Variants in CACNA1A observed in about 807,000 individuals in gnomAD.
The protein encoded by CACNA1A is voltage-dependent P/Q-type calcium channel subunit alpha-1A.
In CACNA1A, 57 loss-of-function variants were observed where a neutral mutation model predicts 262.4. The ratio of observed to expected loss-of-function variants is 0.22; its 90% CI spans 0.18 to 0.27. The LOEUF (loss-of-function observed/expected upper bound fraction) is 0.27, where lower values mean the gene tolerates loss of function less well. Among genes scored for constraint, CACNA1A ranks in the 10% least tolerant of loss-of-function variants. CACNA1A has a pLI of 1.00. For missense variants in CACNA1A, 2,526 were observed against 3,562.8 expected (o/e 0.71, Z 7.41); for synonymous variants, 1,431 against 1,419.3 (o/e 1.01, Z -0.18).
At chr19:13,494,348 T>C (rs1981248083) in intron 1 of CACNA1A, among the ~76,000 whole-genome samples, 1 of 152,196 alleles carries the variant, frequency 6.6e-6, no homozygotes, top group Admixed American at 6.5e-5. Context: ...GAGGTAACTT[T>C]TGGGCTGAGA....
Position 13,227,528 on chromosome 19 carries a change from C to A in CACNA1A, c.5529-1G>T. 1 of 1,541,522 alleles carries A rather than the reference C, an allele frequency of 6.5e-7. No homozygotes were observed. The highest frequency in any genetic ancestry group is 8.8e-7 in the Non-Finnish European group (1 of 1,138,674). On this transcript the variant is annotated splice_acceptor_variant, in intron 36 of 46. Coordinates refer to ENST00000360228, the MANE Select transcript of CACNA1A (RefSeq NM_001127222.2). LOFTEE classifies it high-confidence loss of function. ...CATGTCCAGGTAAGGCATGCGGCCCCTGGCAGCACCGAAAATGAAAAAAAC... is the reference window on the plus strand; with the variant it reads ...CATGTCCAGGTAAGGCATGCGGCCCATGGCAGCACCGAAAATGAAAAAAAC...
intron 1 of CACNA1A, among the ~76,000 whole-genome samples, chr19:13,471,166 A>G (rs564166215): frequency 2.3e-4 from 35 of 152,122 alleles, no homozygotes; most frequent in Non-Finnish European, 5.1e-4. Flanking sequence ...TCTCGAGTCC[A>G]CTGTAATCCA....
rs573256433 is a variant in CACNA1A at position 13,411,975 on chromosome 19, T to C, written c.540-40196A>G. On this transcript the variant is annotated intron_variant, in intron 3 of 46. Coordinates refer to ENST00000360228, the MANE Select transcript of CACNA1A (RefSeq NM_001127222.2). ...AAGCGGCCTTCCCCACTTGGCCTCC[T>C]AAAGTGCTGGGATTACAGGTGTGAC... 4.0e-5 allele frequency among the ~76,000 whole-genome samples: 6 copies of C among 149,594 alleles called. No homozygotes were observed. In the South Asian group the frequency reaches 1.1e-3, roughly 27 times the overall value.
At chr19:13,292,592 G>T (rs746765696) in intron 19 of CACNA1A, among the ~76,000 whole-genome samples, 6 of 151,756 alleles carry the variant, frequency 4.0e-5, no homozygotes, top group Non-Finnish European at 7.4e-5. Context: ...CCGGGGCCTG[G>T]ATGACAAAGC....
intron 18 of CACNA1A, 150 bp downstream of exon 18, chr19:13,300,400 A>G: frequency 1.6e-6 from 1 of 634,046 alleles, no homozygotes. Flanking sequence ...CCAAATATTT[A>G]TTGAGTGAAA....
intron 10 of CACNA1A, among the ~76,000 whole-genome samples, chr19:13,321,040 T>C (rs2058241520): frequency 1.1e-5 from 1 of 95,122 alleles, no homozygotes; most frequent in Non-Finnish European, 2.2e-5. Context: ...TTTTTTTTTT[T>C]CTTTTTTTTT....
At chr19:13,227,344 G>A (rs962787626) in intron 37 of CACNA1A, 87 bp downstream of exon 37, 29 of 582,544 alleles carry the variant, frequency 5.0e-5, no homozygotes, top group Non-Finnish European at 7.1e-5. Context: ...TCGGCCGGGT[G>A]TTTCTGGTCA....
At chr19:13,208,144 G>T in intron 46 of CACNA1A, 91 bp from the exon 47 acceptor site, 1 of 609,958 alleles carries the variant, frequency 1.6e-6, no homozygotes, top group Admixed American at 5.7e-5. Flanking sequence ...GGGGAGCGAA[G>T]GGAGAGGGGC....
At chr19:13,398,141 T>C (rs1295563158) in intron 3 of CACNA1A, among the ~76,000 whole-genome samples, 2 of 151,732 alleles carry the variant, frequency 1.3e-5, no homozygotes, top group Non-Finnish European at 2.9e-5. Flanking sequence ...CGGGCACCTG[T>C]AATTCCAGCT....
At chr19:13,286,992 G>C (rs757148939) in intron 19 of CACNA1A, 26 bp from the exon 20 acceptor site, 1 of 1,515,026 alleles carries the variant, frequency 6.6e-7, no homozygotes, top group South Asian at 1.2e-5. Context: ...GAATGAAAAA[G>C]AACCAACAAC....
chr19:13,265,063 C>T lies in CACNA1A; in HGVS notation c.3990-2230G>A, dbSNP rs1347028089. On this transcript the variant is annotated intron_variant, in intron 24 of 46. Transcript: ENST00000360228. ...CTAATTTTTGTATTTTCAGTAGAGACAGGGTTTCACCGTGTTGGCCAGGCT... is the reference window on the plus strand; with the variant it reads ...CTAATTTTTGTATTTTCAGTAGAGATAGGGTTTCACCGTGTTGGCCAGGCT... Among the ~76,000 whole-genome samples, 3 of 151,982 alleles carry T rather than the reference C, an allele frequency of 2.0e-5. No individual in the cohort carries two copies. The East Asian group carries it at 5.8e-4, about 29-fold the overall frequency.
intron 19 of CACNA1A, among the ~76,000 whole-genome samples, chr19:13,290,390 G>C (rs1262503436): frequency 7.8e-6 from 1 of 127,454 alleles, no homozygotes; most frequent in Non-Finnish European, 1.7e-5. Context: ...ATGTGTGTGT[G>C]TGTCTGTGTG....
intron 36 of CACNA1A, chr19:13,229,196 T>C (rs1272865454): frequency 1.3e-5 from 2 of 158,014 alleles, no homozygotes; most frequent in East Asian, 3.8e-4. Context: ...CTCGGTCTCA[T>C]GGAGTACTTG....
chr19:13,458,193 T>C lies in CACNA1A; in HGVS notation c.294-2981A>G, dbSNP rs572664121. Reference sequence around the variant, plus strand: ...TTTTTTTAAAGAAACACAATTTTGCTCTGTCACCCAGGCTGGAGTGCAGTG... The same window carrying C: ...TTTTTTTAAAGAAACACAATTTTGCCCTGTCACCCAGGCTGGAGTGCAGTG... On this transcript the variant is annotated intron_variant, in intron 1 of 46. Coordinates refer to ENST00000360228, the MANE Select transcript of CACNA1A (RefSeq NM_001127222.2). 6.4e-4 allele frequency among the ~76,000 whole-genome samples: 97 copies of C among 152,262 alleles called. No homozygotes were observed. In the Middle Eastern group the frequency reaches 0.01, roughly 16 times the overall value.
chr19:13,384,426 G>A (rs955463553), intron 3 of CACNA1A, among the ~76,000 whole-genome samples: 10 of 152,120 alleles, frequency 6.6e-5, no homozygotes, highest in South Asian at 2.1e-4. Flanking sequence ...GGCTGGGTGC[G>A]GTGGCTCATG....
intron 36 of CACNA1A, chr19:13,229,064 G>GT (rs2055575605): frequency 1.2e-5 from 1 of 84,674 alleles, no homozygotes; most frequent in African/African-American, 1.5e-4. Flanking sequence ...TACAGGGGTG[G>GT]GGGGGGGCTT....
intron 3 of CACNA1A, among the ~76,000 whole-genome samples, chr19:13,434,474 G>A (rs1337417141): frequency 6.6e-6 from 1 of 152,176 alleles, no homozygotes; most frequent in Non-Finnish European, 1.5e-5. Flanking sequence ...AATGTTGGAG[G>A]TGGGGCCTGG....
At chr19:13,230,551 T>C (rs1418171262) in intron 35 of CACNA1A, among the ~76,000 whole-genome samples, 1 of 151,868 alleles carries the variant, frequency 6.6e-6, no homozygotes, top group Non-Finnish European at 1.5e-5. Flanking sequence ...ACGCCTGTAA[T>C]CCCAGCACTT....
chr19:13,322,768 G>T (rs2058281067), intron 10 of CACNA1A, among the ~76,000 whole-genome samples: 1 of 151,994 alleles, frequency 6.6e-6, no homozygotes, highest in African/African-American at 2.4e-5. Context: ...GCTAATTTTT[G>T]TATTTTTAGT....
Sources: allele counts gnomAD v4.1 joint callset (sites outside exome capture counted in the v4.1 genomes callset), GRCh38; gene constraint gnomAD v4.1.1; transcripts MANE v1.5; gene names NCBI Gene and HGNC (gene_info 2026-07-23, HGNC 2026-07-21).